The following CDK5RAP1 variants were observed in gnomAD, a reference collection of about 807,000 sequenced individuals.
CDK5RAP1 encodes CDK5RAP1 mitochondrial tRNA methylthiotransferase.
A neutral mutation model predicts 64.5 loss-of-function variants in CDK5RAP1; 62 were observed. The ratio of observed to expected loss-of-function variants is 0.96; its 90% confidence interval spans 0.78 to 1.19. CDK5RAP1 has a LOEUF of 1.19. CDK5RAP1 is among the 50% of genes most tolerant of loss of function. CDK5RAP1 has a pLI of 0.00. For missense variants in CDK5RAP1, 657 were observed against 735.0 expected (o/e 0.89, Z 1.23); for synonymous variants, 250 against 261.9 (o/e 0.95, Z 0.44).
At chr20:33,389,438 G>A (rs563922247) in intron 5 of CDK5RAP1, among the ~76,000 whole-genome samples, 3 of 151,778 alleles carry the variant, frequency 2.0e-5, no homozygotes, top group Non-Finnish European at 2.9e-5. Flanking sequence ...CAGCTGCCCC[G>A]ACTGGGAAGT....
At chr20:33,366,666 G>A (rs1244593897) in intron 12 of CDK5RAP1, among the ~76,000 whole-genome samples, 193 bp downstream of exon 12, 1 of 151,944 alleles carries the variant, frequency 6.6e-6, no homozygotes, top group Non-Finnish European at 1.5e-5. Context: ...GACAAAATCT[G>A]TATACTGAAA....
Position 33,360,344 on chromosome 20 carries a change from T to A in CDK5RAP1, c.1683+7A>T. Reference sequence around the variant, plus strand: ...GTGCAAGCCAAAAGCCCAAAAGGACTCCTCACCTTCACCAGCACATAGTCC... The same window carrying A: ...GTGCAAGCCAAAAGCCCAAAAGGACACCTCACCTTCACCAGCACATAGTCC... On this transcript the variant is annotated splice_region_variant and intron_variant, in intron 13 of 13. Transcript: ENST00000346416. 6.2e-7 allele frequency: 1 copy of A among 1,613,296 alleles called. No homozygotes were observed. The highest frequency in any genetic ancestry group is 8.5e-7 in the Non-Finnish European group (1 of 1,179,770).
intron 3 of CDK5RAP1, among the ~76,000 whole-genome samples, chr20:33,394,795 A>G (rs1046119948): frequency 6.6e-6 from 1 of 152,188 alleles, no homozygotes. Context: ...TCCACAGCCA[A>G]TTCTTAACTT....
intron 11 of CDK5RAP1, among the ~76,000 whole-genome samples, chr20:33,367,725 A>T (rs1461470010): frequency 6.6e-6 from 1 of 152,236 alleles, no homozygotes; most frequent in East Asian, 1.9e-4. Flanking sequence ...AGTCCAAAAG[A>T]AAAAAGGGAA....
At chr20:33,360,190 A>G (rs977219371) in intron 13 of CDK5RAP1, 161 bp downstream of exon 13, 7 of 633,726 alleles carry the variant, frequency 1.1e-5, no homozygotes, top group Non-Finnish European at 1.9e-5. Context: ...ATTAGTAAGG[A>G]GCAGTCTAAA....
chr20:33,393,941 C>T, intron 4 of CDK5RAP1, 91 bp downstream of exon 4: 1 of 906,260 alleles, frequency 1.1e-6, no homozygotes, highest in Non-Finnish European at 1.9e-6. Flanking sequence ...GGGCCACTGG[C>T]TCATCTCCAT....
intron 11 of CDK5RAP1, among the ~76,000 whole-genome samples, chr20:33,367,918 G>A (rs560656516): frequency 5.1e-4 from 78 of 152,250 alleles, no homozygotes; most frequent in African/African-American, 1.7e-3. Context: ...AAGTATCCAC[G>A]GAGGAAAACG....
At chr20:33,383,262 AC>A (rs1986992212) in intron 7 of CDK5RAP1, among the ~76,000 whole-genome samples, 1 of 152,160 alleles carries the variant, frequency 6.6e-6, no homozygotes, top group Non-Finnish European at 1.5e-5. Context: ...AGAGATGCAT[AC>A]TGAAGGATGA....
intron 8 of CDK5RAP1, 90 bp downstream of exon 8, chr20:33,379,371 T>C: frequency 1.2e-6 from 1 of 858,140 alleles, no homozygotes; most frequent in Non-Finnish European, 1.9e-6. Flanking sequence ...TAAGCAGGAC[T>C]CCAGGTCTCT....
chr20:33,397,941 G>A (rs987104306), intron 1 of CDK5RAP1, among the ~76,000 whole-genome samples: 4 of 152,078 alleles, frequency 2.6e-5, no homozygotes, highest in South Asian at 4.2e-4. Flanking sequence ...GCTATGAACC[G>A]AGATCGCACC....
intron 12 of CDK5RAP1, among the ~76,000 whole-genome samples, chr20:33,362,844 G>A (rs1052248185): frequency 6.6e-6 from 1 of 152,158 alleles, no homozygotes; most frequent in Admixed American, 6.5e-5. Context: ...CTGACAACAT[G>A]CTATATTCTT....
chr20:33,381,841 G>C (rs1467259940), intron 7 of CDK5RAP1, among the ~76,000 whole-genome samples: 1 of 152,150 alleles, frequency 6.6e-6, no homozygotes, highest in East Asian at 1.9e-4. Context: ...ATTTGTGTAA[G>C]TTGTGACATA....
At chr20:33,360,535 T>A (rs1982728161) in intron 12 of CDK5RAP1, 44 bp from the exon 13 acceptor site, 10 of 1,575,922 alleles carry the variant, frequency 6.3e-6, no homozygotes, top group Non-Finnish European at 8.6e-6. Context: ...GTCACAGTTG[T>A]AAGTTCTTGG....
At chr20:33,373,149 C>CGTGTGTGTGTGTGTGTGTGTGT (rs148856565) in intron 9 of CDK5RAP1, 20 of 139,918 alleles carry the variant, frequency 1.4e-4, no homozygotes, top group African/African-American at 5.3e-4. Context: ...CCATGTTGCC[C>CGTGTGTGTGTGTGTGTGTGTGT]GTGTGTGTGT....
intron 12 of CDK5RAP1, among the ~76,000 whole-genome samples, chr20:33,365,392 C>T (rs1983725604): frequency 6.6e-6 from 1 of 151,250 alleles, no homozygotes; most frequent in Non-Finnish European, 1.5e-5. Flanking sequence ...CCACCTCAGC[C>T]TCCTGAGTAG....
At position 33,361,431 on chromosome 20, in the gene CDK5RAP1, C is replaced by T. The variant is rs551117218; in HGVS notation, c.1543-940G>A. 5.3e-5 allele frequency among the ~76,000 whole-genome samples: 8 copies of T among 152,264 alleles called. No individual in the cohort carries two copies. In the South Asian group the frequency reaches 1.2e-3, roughly 24 times the overall value. The stretch of plus-strand genomic sequence containing the variant: ...TAACACTTGCATGTGTAGCATAAAA[C>T]TCCATGAAGTCAGGCAAAGAGAGTA... On this transcript the variant is annotated intron_variant, in intron 12 of 13. Coordinates refer to ENST00000346416, the MANE Select transcript of CDK5RAP1 (RefSeq NM_016408.4).
At chr20:33,372,506 A>T in intron 10 of CDK5RAP1, 136 bp downstream of exon 10, 1 of 501,818 alleles carries the variant, frequency 2.0e-6, no homozygotes, top group East Asian at 3.2e-5. Context: ...ACGAGGAGAG[A>T]GAAAGAGAAA....
intron 3 of CDK5RAP1, among the ~76,000 whole-genome samples, chr20:33,394,564 C>T (rs1255846565): frequency 6.6e-6 from 1 of 151,618 alleles, no homozygotes; most frequent in African/African-American, 2.4e-5. Context: ...TCACTGCAGC[C>T]TCAAACTCCT....
At chr20:33,383,254 A>T (rs553664793) in intron 7 of CDK5RAP1, among the ~76,000 whole-genome samples, 4 of 152,188 alleles carry the variant, frequency 2.6e-5, no homozygotes, top group Non-Finnish European at 5.9e-5. Context: ...TATTTTTTAG[A>T]GATGCATACT....
Sources: gnomAD v4.1 joint callset for allele counts (sites outside exome capture counted in the v4.1 genomes callset) on GRCh38, gnomAD v4.1.1 for gene constraint, MANE v1.5 for transcripts, NCBI Gene and HGNC (gene_info 2026-07-23, HGNC 2026-07-21) for gene names.